SIPA1L1: variants seen among roughly 807,000 people sequenced by gnomAD.
The protein encoded by SIPA1L1 is signal induced proliferation associated 1 like 1.
In SIPA1L1, 26 loss-of-function variants were observed where a neutral mutation model predicts 162.7. The ratio of observed to expected loss-of-function variants is 0.16; its 90% confidence interval spans 0.12 to 0.22. The LOEUF is 0.22. Among genes scored for constraint, SIPA1L1 ranks in the 10% least tolerant of loss-of-function variants. The pLI is 1.00. For missense variants in SIPA1L1, 1,874 were observed against 2,241.0 expected (o/e 0.84, Z 3.31); for synonymous variants, 829 against 837.4 (o/e 0.99, Z 0.17).
intron 10 of SIPA1L1, among the ~76,000 whole-genome samples, chr14:71,663,078 T>C (rs2043676047): frequency 6.6e-6 from 1 of 152,242 alleles, no homozygotes; most frequent in Non-Finnish European, 1.5e-5. Context: ...CCAATGGGAC[T>C]ATAATGCAAG....
chr14:71,685,718 T>C (rs2046232392), intron 13 of SIPA1L1, 87 bp downstream of exon 13: 2 of 1,494,022 alleles, frequency 1.3e-6, no homozygotes, highest in Non-Finnish European at 1.8e-6. Flanking sequence ...TTAGGCCTTC[T>C]CATATTTTAC....
chr14:71,582,081 T>C (rs188560197), intron 4 of SIPA1L1, among the ~76,000 whole-genome samples: 3 of 152,280 alleles, frequency 2.0e-5, no homozygotes, highest in African/African-American at 7.2e-5. Context: ...GTGCACTGGC[T>C]TACTCCTGTA....
intron 7 of SIPA1L1, among the ~76,000 whole-genome samples, chr14:71,642,462 C>A (rs894931550): frequency 2.6e-5 from 4 of 152,138 alleles, no homozygotes; most frequent in Non-Finnish European, 5.9e-5. Context: ...TTGAGTAGAG[C>A]CTCACAATGC....
At chr14:71,426,382 A>AT (rs1260060651) in intron 2 of SIPA1L1, among the ~76,000 whole-genome samples, 1 of 146,066 alleles carries the variant, frequency 6.8e-6, no homozygotes, top group African/African-American at 2.5e-5. Context: ...AAACCTTTAA[A>AT]ATTTTTTTTT....
At position 71,446,894 on chromosome 14, in the gene SIPA1L1, G is replaced by GTTTTTTTTTT. The variant is rs765106790; in HGVS notation, c.-464-65847_-464-65838dup. On this transcript the variant is annotated intron_variant, in intron 2 of 23. Transcript: ENST00000381232. ...CTGCAAATAAAGAGAGATGGGCTCTGTTTTTTTTTTTGTTTTTTTTTTTTT... is the reference window on the plus strand; with the variant it reads ...CTGCAAATAAAGAGAGATGGGCTCTGTTTTTTTTTTTTTTTTTTTTTGTTTTTTTTTTTTT... Among the ~76,000 whole-genome samples, 74 of 87,402 alleles carry GTTTTTTTTTT rather than the reference G, an allele frequency of 8.5e-4. 11 individuals carry two copies. The highest frequency in any genetic ancestry group is 4.9e-3 in the East Asian group (12 of 2,448). The allele number at this position is 87,402 out of a possible 152,430, so 57.3% of individuals were successfully genotyped here.
At chr14:71,408,925 G>A (rs947614597) in intron 2 of SIPA1L1, among the ~76,000 whole-genome samples, 1 of 152,112 alleles carries the variant, frequency 6.6e-6, no homozygotes, top group African/African-American at 2.4e-5. Context: ...AATCTCTGAT[G>A]TAAAATCGGG....
At chr14:71,564,486 C>CTTTTTT (rs1555459905) in intron 4 of SIPA1L1, among the ~76,000 whole-genome samples, 1 of 23,138 alleles carries the variant, frequency 4.3e-5, no homozygotes, top group Admixed American at 4.4e-4. Flanking sequence ...TCGGCATTTT[C>CTTTTTT]TTTCTTTTTT....
chr14:71,611,078 T>C (rs1445485731), intron 5 of SIPA1L1, among the ~76,000 whole-genome samples: 1 of 152,234 alleles, frequency 6.6e-6, no homozygotes, highest in African/African-American at 2.4e-5. Context: ...CTAGGCTGTT[T>C]AGTTCTCATG....
At chr14:71,700,698 T>C (rs1424099791) in intron 14 of SIPA1L1, among the ~76,000 whole-genome samples, 2 of 152,166 alleles carry the variant, frequency 1.3e-5, no homozygotes, top group Non-Finnish European at 2.9e-5. Flanking sequence ...GGGGATGATA[T>C]AATAAGAGTT....
At chr14:71,494,629 C>T (rs1168814188) in intron 2 of SIPA1L1, among the ~76,000 whole-genome samples, 2 of 150,828 alleles carry the variant, frequency 1.3e-5, no homozygotes, top group Non-Finnish European at 2.9e-5. Context: ...TAGGATCAAG[C>T]GATCCTCCCG....
Position 71,715,273 on chromosome 14 carries a change from A to G in SIPA1L1, c.4208+5609A>G, listed in dbSNP as rs528581454. ...TATGTGGCCTGTGGCCAGTTGTACCATTTCACCTGGCTTGTCCCTCATCTG... is the reference window on the plus strand; with the variant it reads ...TATGTGGCCTGTGGCCAGTTGTACCGTTTCACCTGGCTTGTCCCTCATCTG... On this transcript the variant is annotated intron_variant, in intron 17 of 23. Transcript: ENST00000381232. 2.0e-5 allele frequency among the ~76,000 whole-genome samples: 3 copies of G among 152,348 alleles called. No individual in the cohort carries two copies. The East Asian group carries it at 5.8e-4, about 29-fold the overall frequency.
At chr14:71,705,023 C>A in intron 15 of SIPA1L1, 199 bp from the exon 16 acceptor site, 1 of 611,758 alleles carries the variant, frequency 1.6e-6, no homozygotes, top group Non-Finnish European at 2.9e-6. Context: ...CAAGTTGTCA[C>A]CAGCTGCAAG....
chr14:71,503,040 G>GA (rs1296677624), intron 2 of SIPA1L1, among the ~76,000 whole-genome samples: 2 of 152,164 alleles, frequency 1.3e-5, no homozygotes, highest in Non-Finnish European at 2.9e-5. Flanking sequence ...GATGTAACAT[G>GA]AAATTTTGTA....
intron 4 of SIPA1L1, among the ~76,000 whole-genome samples, chr14:71,565,040 T>C (rs1009638081): frequency 6.6e-6 from 1 of 152,224 alleles, no homozygotes; most frequent in African/African-American, 2.4e-5. Context: ...TTGGTGAGAA[T>C]GTGGAATAGA....
intron 2 of SIPA1L1, among the ~76,000 whole-genome samples, chr14:71,447,870 A>G (rs1295392742): frequency 6.6e-6 from 1 of 151,998 alleles, no homozygotes; most frequent in African/African-American, 2.4e-5. Flanking sequence ...TGCCTGGCCT[A>G]CTATTGATTT....
chr14:71,521,908 T>C (rs1460143605), intron 3 of SIPA1L1, among the ~76,000 whole-genome samples: 1 of 152,250 alleles, frequency 6.6e-6, no homozygotes, highest in Non-Finnish European at 1.5e-5. Flanking sequence ...TCATCTTTCA[T>C]CTGACTGTTA....
intron 7 of SIPA1L1, among the ~76,000 whole-genome samples, chr14:71,648,269 A>T (rs941110224): frequency 6.6e-6 from 1 of 152,182 alleles, no homozygotes; most frequent in African/African-American, 2.4e-5. Flanking sequence ...CCGCCTGGTC[A>T]ACAAGAGCGA....
intron 17 of SIPA1L1, among the ~76,000 whole-genome samples, chr14:71,714,187 C>A (rs1337396019): frequency 6.6e-6 from 1 of 152,142 alleles, no homozygotes; most frequent in Admixed American, 6.5e-5. Flanking sequence ...AGCGATCTTG[C>A]CACACCTCTT....
Position 71,709,541 on chromosome 14 carries a change from G to A in SIPA1L1, c.4085G>A (p.Gly1362Asp), listed in dbSNP as rs200236234. The change falls in exon 17 of 24, where the codon GGC (glycine) becomes GAC (aspartate). Residue 1362 changes from glycine to aspartate, a missense_variant. By Grantham distance (94) the Gly-to-Asp change is moderately conservative (BLOSUM62 -1). Transcript: ENST00000381232. The stretch of plus-strand genomic sequence containing the variant: ...CGGACTTTGGAGACAGAGAGCCACG[G>A]CCTGGACCGGAAAACAGAGTCTTCC... ...ADRTLETESHGLDRKTESSLS... is the reference protein window; with the variant it reads ...ADRTLETESHDLDRKTESSLS... 1.2e-6 allele frequency: 2 copies of A among 1,614,206 alleles called. No individual in the cohort carries two copies. The highest frequency in any genetic ancestry group is 1.7e-6 in the Non-Finnish European group (2 of 1,180,042).
Sources: allele counts gnomAD v4.1 joint callset (sites outside exome capture counted in the v4.1 genomes callset), GRCh38; gene constraint gnomAD v4.1.1; transcripts MANE v1.5; gene names NCBI Gene and HGNC (gene_info 2026-07-23, HGNC 2026-07-21).